TENM3: variants seen among roughly 807,000 people sequenced by gnomAD.
TENM3 encodes teneurin transmembrane protein 3.
Under a neutral mutation model 255.1 loss-of-function variants are expected in TENM3, and 63 were observed. The ratio of observed to expected loss-of-function variants is 0.25; its 90% CI spans 0.20 to 0.30. The LOEUF (loss-of-function observed/expected upper bound fraction) is 0.30, where lower values mean the gene tolerates loss of function less well. TENM3 is among the 10% of genes least tolerant of loss of function. TENM3 has a pLI of 1.00. For missense variants in TENM3, 2,929 were observed against 3,461.1 expected, an observed-to-expected ratio of 0.85 and a Z score of 3.86; for synonymous variants, 1,306 against 1,322.3, an observed-to-expected ratio of 0.99 and a Z score of 0.27.
At chr4:182,619,101 C>T (rs1432741734) in intron 4 of TENM3, among the ~76,000 whole-genome samples, 3 of 151,934 alleles carry the variant, frequency 2.0e-5, no homozygotes, top group Admixed American at 6.6e-5. Flanking sequence ...CAACGTGACC[C>T]ATAGAGGTAT....
chr4:181,860,076 C>T, the TENM3 span, among the ~76,000 whole-genome samples: 5 of 152,184 alleles, frequency 3.3e-5, no homozygotes, highest in Non-Finnish European at 7.3e-5. Flanking sequence ...CAATGCAAAC[C>T]TTAGACTTTG....
At chr4:182,206,065 GA>G (rs1754553482) in intron 1 of TENM3, among the ~76,000 whole-genome samples, 1 of 148,480 alleles carries the variant, frequency 6.7e-6, no homozygotes, top group Non-Finnish European at 1.5e-5. Flanking sequence ...AAAAAAAAAA[GA>G]AAGAAATCAG....
chr4:181,595,679 G>T, the TENM3 span, among the ~76,000 whole-genome samples: 1 of 151,850 alleles, frequency 6.6e-6, no homozygotes, highest in Non-Finnish European at 1.5e-5. Context: ...ACAAGATCTG[G>T]GTCCTGACTT....
the TENM3 span, among the ~76,000 whole-genome samples, chr4:181,464,451 TG>T: frequency 6.6e-6 from 1 of 152,226 alleles, no homozygotes; most frequent in Non-Finnish European, 1.5e-5. Context: ...TATCTTCTTT[TG>T]AGAAATGTCC....
intron 22 of TENM3, among the ~76,000 whole-genome samples, chr4:182,771,644 C>G (rs987692038): frequency 6.6e-6 from 1 of 152,164 alleles, no homozygotes; most frequent in African/African-American, 2.4e-5. Flanking sequence ...AACTGAACGA[C>G]AGAACTTTAG....
At chr4:182,635,790 A>G (rs577107269) in intron 5 of TENM3, among the ~76,000 whole-genome samples, 1 of 152,304 alleles carries the variant, frequency 6.6e-6, no homozygotes, top group African/African-American at 2.4e-5. Flanking sequence ...CATTGCAGTT[A>G]TGATTCCTTA....
chr4:182,741,298 A>G lies in TENM3; in HGVS notation c.3380-1872A>G, dbSNP rs147725696. Reference sequence around the variant, plus strand: ...ACATTTTGACAAGTAGTGGCTTTCCAAAGTGACATGTGTCTAATTGAATAA... The same window carrying G: ...ACATTTTGACAAGTAGTGGCTTTCCGAAGTGACATGTGTCTAATTGAATAA... On this transcript the variant is annotated intron_variant, in intron 18 of 27. Transcript: ENST00000511685. Among the ~76,000 whole-genome samples, 544 of 152,372 alleles carry G rather than the reference A, an allele frequency of 3.6e-3. 6 individuals carry two copies. Among genetic ancestry groups the G allele is most frequent in the African/African-American group, 0.013 (526 of 41,592 alleles).
At chr4:181,665,899 A>G in the TENM3 span, among the ~76,000 whole-genome samples, 7 of 152,112 alleles carry the variant, frequency 4.6e-5, no homozygotes, top group Non-Finnish European at 1.0e-4. Context: ...TGCATAAAAT[A>G]AAGTAATTAA....
At chr4:182,156,363 G>A (rs1258817787) in intron 1 of TENM3, among the ~76,000 whole-genome samples, 2 of 151,660 alleles carry the variant, frequency 1.3e-5, no homozygotes, top group Non-Finnish European at 2.9e-5. Context: ...GAATAATTTC[G>A]ACTTTCATTT....
chr4:181,897,193 A>G, the TENM3 span, among the ~76,000 whole-genome samples: 7 of 152,332 alleles, frequency 4.6e-5, no homozygotes, highest in Admixed American at 6.5e-5. Context: ...TAGCAGTTCA[A>G]ACAAATTATT....
the TENM3 span, among the ~76,000 whole-genome samples, chr4:181,593,662 G>T: frequency 6.6e-6 from 1 of 152,112 alleles, no homozygotes; most frequent in Non-Finnish European, 1.5e-5. Context: ...ACAGTACTTT[G>T]CTGCTACTGT....
At chr4:181,641,543 A>G in the TENM3 span, among the ~76,000 whole-genome samples, 1 of 26,572 alleles carries the variant, frequency 3.8e-5, no homozygotes, top group Non-Finnish European at 7.6e-5. Flanking sequence ...ATAGTATTCC[A>G]TGGTGTGTGT....
At chr4:182,695,312 C>T (rs1277889098) in intron 12 of TENM3, among the ~76,000 whole-genome samples, 3 of 152,168 alleles carry the variant, frequency 2.0e-5, no homozygotes, top group Non-Finnish European at 4.4e-5. Flanking sequence ...TGCACTGGCA[C>T]CTCCTAAGAT....
the TENM3 span, among the ~76,000 whole-genome samples, chr4:181,664,085 C>G: frequency 1.6e-4 from 24 of 152,158 alleles, no homozygotes; most frequent in African/African-American, 5.8e-4. Context: ...GATTCCAATT[C>G]TGGCTCTACC....
At chr4:181,538,074 G>A in the TENM3 span, among the ~76,000 whole-genome samples, 4 of 152,148 alleles carry the variant, frequency 2.6e-5, no homozygotes, top group Non-Finnish European at 4.4e-5. Context: ...AAATTTATTG[G>A]CACAATATTT....
Position 182,774,912 on chromosome 4 carries a change from C to G in TENM3, c.5069-6C>G. The G allele has an allele frequency of 6.3e-7, 1 of 1,596,406 alleles. No individual in the cohort carries two copies. Among genetic ancestry groups the G allele is most frequent in the Non-Finnish European group, 8.6e-7 (1 of 1,165,710 alleles). ...TAGTTCATGTTTTGTGCTTCTTGTT[C>G]TTTAGATCAGTTAAGAAACAGCTAC... On this transcript the variant is annotated splice_polypyrimidine_tract_variant and splice_region_variant and intron_variant, in intron 23 of 27. Coordinates refer to ENST00000511685, the MANE Select transcript of TENM3 (RefSeq NM_001080477.4).
At chr4:182,656,131 G>C (rs1753725102) in intron 6 of TENM3, among the ~76,000 whole-genome samples, 2 of 152,102 alleles carry the variant, frequency 1.3e-5, no homozygotes, top group African/African-American at 4.8e-5. Flanking sequence ...TATAAGCGAA[G>C]TACTTTCTTC....
intron 1 of TENM3, among the ~76,000 whole-genome samples, chr4:182,148,550 G>C (rs35306465): frequency 0.11 from 16,600 of 152,066 alleles, 991 homozygotes; most frequent in East Asian, 0.23. Flanking sequence ...GTCATTAATA[G>C]TAACTGTAAT....
the TENM3 span, among the ~76,000 whole-genome samples, chr4:181,860,730 G>A: frequency 6.6e-6 from 1 of 152,114 alleles, no homozygotes; most frequent in Non-Finnish European, 1.5e-5. Flanking sequence ...GGGGGCTCCG[G>A]GGTCCCAGAA....
Sources: gnomAD v4.1 joint callset for allele counts (sites outside exome capture counted in the v4.1 genomes callset) on GRCh38, gnomAD v4.1.1 for gene constraint, MANE v1.5 for transcripts, NCBI Gene and HGNC (gene_info 2026-07-23, HGNC 2026-07-21) for gene names.